Variants in ADARB2 observed in about 807,000 individuals in gnomAD.
ADARB2 encodes inactive double-stranded RNA-specific editase B2.
ADARB2 carries 25 observed loss-of-function variants against 62.2 expected under a neutral mutation model. The observed-to-expected ratio is 0.40, with a 90% CI of 0.29 to 0.56. The LOEUF is 0.56. Among genes scored for constraint, ADARB2 ranks in the 20% least tolerant of loss-of-function variants. The pLI, the probability that ADARB2 is intolerant of heterozygous loss-of-function variation, is 0.43. For synonymous variants in ADARB2, 572 were observed against 500.8 expected, an observed-to-expected ratio of 1.14 and a Z score of -1.90; for missense variants, 1,071 against 1,077.4, an observed-to-expected ratio of 0.99 and a Z score of 0.08.
rs1053518589 is a variant in ADARB2 at position 1,255,835 on chromosome 10, C to T, written c.1193-13536G>A. ...TGGGTCAAACACACTATAGCCCCAT[C>T]AGCGGGCAGGACAAGTTGGGCCCTG... is the stretch of plus-strand genomic sequence containing the variant. On this transcript the variant is annotated intron_variant, in intron 4 of 9. Coordinates refer to ENST00000381312, the MANE Select transcript of ADARB2 (RefSeq NM_018702.4). This position sits in a 1 kb window ranked among gnomAD's most constrained non-coding sequence, Gnocchi z 4.7. Among the ~76,000 whole-genome samples the T allele has an allele frequency of 1.3e-5, 2 of 152,184 alleles. No individual in the cohort carries two copies. The highest frequency in any genetic ancestry group is 4.8e-5 in the African/African-American group (2 of 41,434).
At chr10:1,280,437 T>C (rs1831359740) in intron 3 of ADARB2, among the ~76,000 whole-genome samples, 2 of 152,192 alleles carry the variant, frequency 1.3e-5, no homozygotes, top group African/African-American at 2.4e-5. Context: ...CCTCCTTCCT[T>C]GACACATGAC....
chr10:1,548,389 G>C (rs1273168189), intron 1 of ADARB2, among the ~76,000 whole-genome samples: 1 of 152,226 alleles, frequency 6.6e-6, no homozygotes, highest in Non-Finnish European at 1.5e-5. Context: ...TACCCAGTGA[G>C]TACCAGTGAG....
chr10:1,240,885 C>T (rs933395768), intron 5 of ADARB2, among the ~76,000 whole-genome samples: 1 of 152,222 alleles, frequency 6.6e-6, no homozygotes, highest in East Asian at 1.9e-4. Context: ...TTCTGTTCCC[C>T]CATATCCAAC....
At chr10:1,474,174 C>T (rs911598600) in intron 1 of ADARB2, among the ~76,000 whole-genome samples, 3 of 152,174 alleles carry the variant, frequency 2.0e-5, no homozygotes, top group Admixed American at 1.3e-4. Flanking sequence ...TCACAGTACA[C>T]GTCACATCTG....
At chr10:1,678,336 G>C (rs1233639631) in intron 1 of ADARB2, 2 of 984,686 alleles carry the variant, frequency 2.0e-6, no homozygotes, top group African/African-American at 1.8e-5. Context: ...GAACATCCTC[G>C]GGGTGAGGGA....
rs892889104 is a variant in ADARB2, at chr10:1,519,571, A to C, written c.101-140411T>G. 5.9e-5 allele frequency among the ~76,000 whole-genome samples: 9 copies of C among 152,228 alleles called. No individual in the cohort carries two copies. In the East Asian group the frequency reaches 1.7e-3, roughly 29 times the overall value. On this transcript the variant is annotated intron_variant, in intron 1 of 9. Coordinates refer to ENST00000381312, the MANE Select transcript of ADARB2 (RefSeq NM_018702.4). ...AGAGAGCCATCATCCCCGGTGCCCT[A>C]CTGTGGTTCAGGTGGTGTGGAACGG...
chr10:1,436,024 A>G (rs1319189384), intron 1 of ADARB2, among the ~76,000 whole-genome samples: 4 of 152,220 alleles, frequency 2.6e-5, no homozygotes, highest in Non-Finnish European at 5.9e-5. Flanking sequence ...TGTACGAACC[A>G]GAGAAGTCGG....
chr10:1,443,083 CAACAAACA>C (rs140440943), intron 1 of ADARB2, among the ~76,000 whole-genome samples: 81 of 152,196 alleles, frequency 5.3e-4, no homozygotes, highest in Non-Finnish European at 1.0e-3. Context: ...TGAATAAAAA[CAACAAACA>C]AACAAACAAA....
chr10:1,340,716 C>T lies in ADARB2; in HGVS notation c.1077+22312G>A, dbSNP rs368721707. 4.7e-3 allele frequency among the ~76,000 whole-genome samples: 505 copies of T among 106,766 alleles called. 8 individuals carry two copies. Among genetic ancestry groups the T allele is most frequent in the African/African-American group, 0.012 (292 of 24,110 alleles). 70.0% of individuals were successfully genotyped at this position (106,766 alleles called of 152,430 possible). A position where few individuals can be genotyped will look rare whatever the true frequency, so the allele number is the denominator to read the frequency against. Reference sequence around the variant, plus strand: ...AACCGGCATCCACCAGAGAACCACGCGCCCCACAGCGGCAATAACCAGCAT... The same window carrying T: ...AACCGGCATCCACCAGAGAACCACGTGCCCCACAGCGGCAATAACCAGCAT... On this transcript the variant is annotated intron_variant, in intron 3 of 9. Coordinates refer to ENST00000381312, the MANE Select transcript of ADARB2 (RefSeq NM_018702.4).
intron 1 of ADARB2, among the ~76,000 whole-genome samples, chr10:1,562,692 T>C (rs967506370): frequency 2.6e-5 from 4 of 152,368 alleles, no homozygotes; most frequent in Admixed American, 2.6e-4. Context: ...GGGCTAGACC[T>C]GAATTCAAAT....
chr10:1,732,860 G>T (rs923822169), intron 1 of ADARB2, among the ~76,000 whole-genome samples: 1 of 152,184 alleles, frequency 6.6e-6, no homozygotes, highest in Non-Finnish European at 1.5e-5. Context: ...CCATCTGCTC[G>T]ACTTATTTTG....
intron 3 of ADARB2, among the ~76,000 whole-genome samples, chr10:1,345,430 G>T (rs567223885): frequency 6.6e-6 from 1 of 152,278 alleles, no homozygotes; most frequent in African/African-American, 2.4e-5. Flanking sequence ...TTCCCAGAAG[G>T]CTTTCCTTTG....
At chr10:1,603,299 T>C (rs1463938197) in intron 1 of ADARB2, among the ~76,000 whole-genome samples, 1 of 152,214 alleles carries the variant, frequency 6.6e-6, no homozygotes, top group Non-Finnish European at 1.5e-5. Context: ...GCCATGGCTA[T>C]GGCTCTTCCT....
chr10:1,516,627 C>A (rs528838796), intron 1 of ADARB2, among the ~76,000 whole-genome samples: 1 of 152,294 alleles, frequency 6.6e-6, no homozygotes, highest in East Asian at 1.9e-4. Flanking sequence ...AATGCCCTCC[C>A]GTTTTATGCC....
chr10:1,258,825 C>T (rs1199345799), intron 4 of ADARB2, among the ~76,000 whole-genome samples: 1 of 152,194 alleles, frequency 6.6e-6, no homozygotes, highest in Admixed American at 6.5e-5. Context: ...GAAGTCTCCA[C>T]CCCAAATCAA....
At chr10:1,719,196 T>C (rs1835058143) in intron 1 of ADARB2, among the ~76,000 whole-genome samples, 1 of 152,142 alleles carries the variant, frequency 6.6e-6, no homozygotes, top group Non-Finnish European at 1.5e-5. Context: ...ACTCCTGACC[T>C]CAGGTGATTG....
intron 1 of ADARB2, among the ~76,000 whole-genome samples, chr10:1,625,880 T>TGCCCCACTTCTCACACCTCTGCCTGACC (rs1833759394): frequency 6.9e-6 from 1 of 145,746 alleles, no homozygotes; most frequent in African/African-American, 2.6e-5. Flanking sequence ...CCTGCCTGGC[T>TGCCCCACTTCTCACACCTCTGCCTGACC]GCCCCACTTC....
At chr10:1,252,639 C>T (rs1450008012) in intron 4 of ADARB2, among the ~76,000 whole-genome samples, 1 of 145,078 alleles carries the variant, frequency 6.9e-6, no homozygotes, top group African/African-American at 2.7e-5. Context: ...GTTTTATTTT[C>T]AATCTTTTCC....
chr10:1,304,845 C>CA (rs1465388253), intron 3 of ADARB2, among the ~76,000 whole-genome samples: 1 of 149,336 alleles, frequency 6.7e-6, no homozygotes, highest in Non-Finnish European at 1.5e-5. Context: ...AAAGACCCAA[C>CA]ATACCAGAAT....
Sources: allele counts gnomAD v4.1 joint callset (sites outside exome capture counted in the v4.1 genomes callset), GRCh38; gene constraint gnomAD v4.1.1; non-coding constraint Gnocchi (gnomAD v3.1); transcripts MANE v1.5; gene names NCBI Gene and HGNC (gene_info 2026-07-23, HGNC 2026-07-21).